TNFAIP8: variants seen among roughly 807,000 people sequenced by gnomAD.
TNFAIP8 encodes TNF alpha induced protein 8, also known as tumor necrosis factor alpha-induced protein 8.
Under a neutral mutation model 13.3 loss-of-function variants are expected in TNFAIP8, and 7 were observed. The observed-to-expected ratio is 0.52, with a 90% CI of 0.30 to 0.99. TNFAIP8 has a LOEUF of 0.99. Among genes scored for constraint, TNFAIP8 ranks in the 50% least tolerant of loss-of-function variants. The probability of loss-of-function intolerance (pLI) is 0.07; values close to 1 mark genes in which losing one functional copy is unlikely to be tolerated. For missense variants in TNFAIP8, 258 were observed against 236.9 expected, an observed-to-expected ratio of 1.09 and a Z score of -0.58; for synonymous variants, 94 against 87.6, an observed-to-expected ratio of 1.07 and a Z score of -0.41.
intron 1 of TNFAIP8, among the ~76,000 whole-genome samples, chr5:119,325,508 T>C (rs188811851): frequency 0.096 from 14,674 of 152,270 alleles, 815 homozygotes; most frequent in African/African-American, 0.16. Context: ...AGTGTAGTGG[T>C]GCGATCTCAG....
chr5:119,353,663 A>AGCTATAAGGCTGACGGT (rs1482489956), upstream of TNFAIP8, among the ~76,000 whole-genome samples: 3 of 152,214 alleles, frequency 2.0e-5, no homozygotes, highest in Non-Finnish European at 4.4e-5. Flanking sequence ...AGGCTGACGG[A>AGCTATAAGGCTGACGGT]GCGCTTGAAC....
chr5:119,306,337 T>TA (rs1321379694), intron 1 of TNFAIP8: 11 of 150,490 alleles, frequency 7.3e-5, no homozygotes, highest in African/African-American at 2.7e-4. Context: ...TTTTTTTTTT[T>TA]TTTCCAAGAT....
At chr5:119,268,941 C>T in intron 1 of TNFAIP8, 1 of 685,644 alleles carries the variant, frequency 1.5e-6, no homozygotes, top group Non-Finnish European at 2.7e-6. Flanking sequence ...GTCCCGCGCA[C>T]ACTCCAGCGC....
chr5:119,388,226 C>G (rs988208867), intron 1 of TNFAIP8, among the ~76,000 whole-genome samples: 5 of 152,176 alleles, frequency 3.3e-5, no homozygotes, highest in African/African-American at 7.2e-5. Flanking sequence ...TTTAAAAGAA[C>G]TGGTTGATGA....
At chr5:119,293,573 T>C (rs1749063793) in intron 1 of TNFAIP8, among the ~76,000 whole-genome samples, 1 of 152,228 alleles carries the variant, frequency 6.6e-6, no homozygotes, top group Non-Finnish European at 1.5e-5. Context: ...GTGTACTATA[T>C]TGTCACTATT....
chr5:119,367,707 A>C (rs1375602038), intron 1 of TNFAIP8, among the ~76,000 whole-genome samples: 1 of 152,210 alleles, frequency 6.6e-6, no homozygotes, highest in East Asian at 1.9e-4. Context: ...GGAAGTATTC[A>C]GTATAGATAT....
chr5:119,289,261 A>G (rs897498193), intron 1 of TNFAIP8, among the ~76,000 whole-genome samples: 1 of 152,074 alleles, frequency 6.6e-6, no homozygotes, highest in African/African-American at 2.4e-5. Context: ...TTTGTGTGGT[A>G]TCTGTGGTTT....
Position 119,316,641 on chromosome 5 carries a change from T to G in TNFAIP8, c.1+47734T>G, listed in dbSNP as rs1312827409. On this transcript the variant is annotated intron_variant, in intron 1 of 1. Transcript: ENST00000274456. ...ACTTGGCTGCACATTAGAATCTCTTTCAAAAATCCAGGTGCCTCAGGCCTA... is the reference window on the plus strand; with the variant it reads ...ACTTGGCTGCACATTAGAATCTCTTGCAAAAATCCAGGTGCCTCAGGCCTA... Among the ~76,000 whole-genome samples, 4 of 152,232 alleles carry G rather than the reference T, an allele frequency of 2.6e-5. 1 individual carries two copies. The South Asian group carries it at 8.3e-4, about 31-fold the overall frequency.
intron 1 of TNFAIP8, 138 bp from the exon 2 acceptor site, chr5:119,392,675 CTAA>C: frequency 9.9e-7 from 1 of 1,007,662 alleles, no homozygotes; most frequent in Non-Finnish European, 1.4e-6. Flanking sequence ...TGAACAGAGA[CTAA>C]TGTCGGTAGA....
intron 1 of TNFAIP8, among the ~76,000 whole-genome samples, chr5:119,287,280 G>GTTTTTTTTT (rs58452491): frequency 1.8e-5 from 2 of 109,236 alleles, no homozygotes; most frequent in East Asian, 2.9e-4. Context: ...CAGTAACCAA[G>GTTTTTTTTT]TTTTTTTTTT....
rs1561987146 is a variant in TNFAIP8, at chr5:119,294,803, A to AT, written c.1+25902dup. ...TCTCTGATGGCCAGTGATGGTGAGC[A>AT]TTTTTTCATGTGTCTTTTGGCTGCA... On this transcript the variant is annotated intron_variant, in intron 1 of 1. Transcript: ENST00000274456. Among the ~76,000 whole-genome samples, 13 of 151,946 alleles carry AT rather than the reference A, an allele frequency of 8.6e-5. No individual in the cohort carries two copies. In the South Asian group the frequency reaches 2.7e-3, roughly 32 times the overall value.
intron 1 of TNFAIP8, among the ~76,000 whole-genome samples, chr5:119,288,182 T>C (rs528432341): frequency 2.6e-4 from 39 of 152,346 alleles, no homozygotes; most frequent in African/African-American, 8.4e-4. Flanking sequence ...TATATAGCTG[T>C]GACCATAGAA....
chr5:119,307,715 C>T (rs1749610193), intron 1 of TNFAIP8, among the ~76,000 whole-genome samples: 1 of 152,230 alleles, frequency 6.6e-6, no homozygotes, highest in African/African-American at 2.4e-5. Context: ...GTGCATCTTA[C>T]AACCAATGGT....
intron 1 of TNFAIP8, among the ~76,000 whole-genome samples, chr5:119,390,386 T>C (rs746541897): frequency 1.1e-4 from 17 of 152,218 alleles, no homozygotes; most frequent in Non-Finnish European, 2.4e-4. Flanking sequence ...TACTGTTAGC[T>C]ACATGGATGC....
chr5:119,305,998 C>T (rs1749540504), intron 1 of TNFAIP8, among the ~76,000 whole-genome samples: 1 of 152,188 alleles, frequency 6.6e-6, no homozygotes, highest in African/African-American at 2.4e-5. Flanking sequence ...TAATGGACTG[C>T]CTGCGCCGCC....
At chr5:119,279,144 CTA>C (rs1163210301) in intron 1 of TNFAIP8, among the ~76,000 whole-genome samples, 1 of 152,166 alleles carries the variant, frequency 6.6e-6, no homozygotes, top group Non-Finnish European at 1.5e-5. Flanking sequence ...GAGAAAGATA[CTA>C]TTGTTAAGCC....
At chr5:119,340,506 A>G (rs923913539) in intron 1 of TNFAIP8, among the ~76,000 whole-genome samples, 2 of 152,224 alleles carry the variant, frequency 1.3e-5, no homozygotes, top group Non-Finnish European at 2.9e-5. Flanking sequence ...AGTTCCTCTT[A>G]AGATACTCAC....
intron 1 of TNFAIP8, among the ~76,000 whole-genome samples, chr5:119,385,504 C>T (rs1490608703): frequency 6.6e-6 from 1 of 152,084 alleles, no homozygotes. Context: ...TCATTCTGTT[C>T]GTGATAGGCC....
chr5:119,290,480 G>A (rs917149997), intron 1 of TNFAIP8, among the ~76,000 whole-genome samples: 5 of 152,192 alleles, frequency 3.3e-5, no homozygotes, highest in Non-Finnish European at 1.5e-5. Context: ...GTGTCCTCAT[G>A]ACATGGTGGA....
Sources: allele counts gnomAD v4.1 joint callset (sites outside exome capture counted in the v4.1 genomes callset), GRCh38; gene constraint gnomAD v4.1.1; transcripts MANE v1.5; gene names NCBI Gene and HGNC (gene_info 2026-07-23, HGNC 2026-07-21).